The following AGTPBP1 variants were observed in gnomAD, a reference collection of about 807,000 sequenced individuals.
AGTPBP1 encodes ATP/GTP binding carboxypeptidase 1, also known as cytosolic carboxypeptidase 1.
A neutral mutation model predicts 143.9 loss-of-function variants in AGTPBP1; 70 were observed. The ratio of observed to expected loss-of-function variants is 0.49; its 90% CI spans 0.40 to 0.59. The LOEUF is 0.59. AGTPBP1 is among the 20% of genes least tolerant of loss of function. The pLI is 0.00. For synonymous variants in AGTPBP1, 463 were observed against 500.2 expected, an observed-to-expected ratio of 0.93 and a Z score of 0.99; for missense variants, 1,229 against 1,464.5, an observed-to-expected ratio of 0.84 and a Z score of 2.62.
At chr9:85,586,435 G>A (rs933811904) in intron 22 of AGTPBP1, among the ~76,000 whole-genome samples, 1 of 152,076 alleles carries the variant, frequency 6.6e-6, no homozygotes, top group Non-Finnish European at 1.5e-5. Context: ...TCAAAAGCTG[G>A]TGAGAACAGA....
At chr9:85,768,863 A>G in the AGTPBP1 span, among the ~76,000 whole-genome samples, 5 of 151,112 alleles carry the variant, frequency 3.3e-5, no homozygotes, top group Non-Finnish European at 4.4e-5. Context: ...AGCCTGGCCA[A>G]TGTTGCAAAA....
intron 17 of AGTPBP1, among the ~76,000 whole-genome samples, chr9:85,609,419 T>A (rs532501272): frequency 6.6e-6 from 1 of 151,988 alleles, no homozygotes; most frequent in East Asian, 1.9e-4. Context: ...GCCTCCCAGG[T>A]AGCTGGGATT....
chr9:85,581,479 A>T (rs925621280), intron 23 of AGTPBP1, among the ~76,000 whole-genome samples: 1 of 152,238 alleles, frequency 6.6e-6, no homozygotes, highest in East Asian at 1.9e-4. Flanking sequence ...TATAAGCACA[A>T]TACAAATACG....
intron 24 of AGTPBP1, among the ~76,000 whole-genome samples, chr9:85,576,506 CT>C (rs1827911208): frequency 6.6e-6 from 1 of 152,120 alleles, no homozygotes; most frequent in Non-Finnish European, 1.5e-5. Flanking sequence ...TATGACCTGA[CT>C]TCATTAGAAC....
intron 11 of AGTPBP1, 42 bp from the exon 12 acceptor site, chr9:85,646,460 T>C: frequency 7.4e-7 from 1 of 1,343,320 alleles, no homozygotes; most frequent in Non-Finnish European, 1.1e-6. Context: ...GAGGTAAGCA[T>C]TCTACAATAT....
At chr9:85,728,772 T>C (rs1381166125) in intron 1 of AGTPBP1, among the ~76,000 whole-genome samples, 3 of 149,322 alleles carry the variant, frequency 2.0e-5, no homozygotes, top group African/African-American at 7.4e-5. Flanking sequence ...ACCTTGCCAA[T>C]CAGAAAAAAA....
the AGTPBP1 span, among the ~76,000 whole-genome samples, chr9:85,794,844 T>G: frequency 1.3e-5 from 2 of 152,176 alleles, no homozygotes; most frequent in Non-Finnish European, 2.9e-5. Flanking sequence ...TACACTTCTT[T>G]GGTTAAATTT....
At chr9:85,720,292 G>A (rs575786646) in intron 1 of AGTPBP1, among the ~76,000 whole-genome samples, 6 of 152,090 alleles carry the variant, frequency 3.9e-5, no homozygotes, top group Non-Finnish European at 5.9e-5. Context: ...GTCTGGTCCC[G>A]GATTTTTTTT....
At chr9:85,616,001 A>G (rs1830581544) in intron 17 of AGTPBP1, among the ~76,000 whole-genome samples, 1 of 140,272 alleles carries the variant, frequency 7.1e-6, no homozygotes, top group African/African-American at 2.9e-5. Flanking sequence ...TGCTGATAAC[A>G]TAAATTTGAT....
intron 3 of AGTPBP1, among the ~76,000 whole-genome samples, chr9:85,688,452 T>A (rs1006521638): frequency 6.6e-6 from 1 of 151,934 alleles, no homozygotes; most frequent in African/African-American, 2.4e-5. Flanking sequence ...ATTGCCAATG[T>A]CCCTGGGGGA....
intron 23 of AGTPBP1, among the ~76,000 whole-genome samples, chr9:85,582,452 G>C (rs955876706): frequency 1.1e-4 from 16 of 152,100 alleles, no homozygotes; most frequent in African/African-American, 3.6e-4. Flanking sequence ...CGAGGCAGGC[G>C]GATCATTTGA....
chr9:85,746,004 C>T (rs1270434363), upstream of AGTPBP1, among the ~76,000 whole-genome samples: 1 of 152,176 alleles, frequency 6.6e-6, no homozygotes, highest in African/African-American at 2.4e-5. Context: ...AGCTCCACTT[C>T]CCTTCTCTTT....
chr9:85,774,468 G>A, the AGTPBP1 span, among the ~76,000 whole-genome samples: 7 of 152,000 alleles, frequency 4.6e-5, no homozygotes, highest in Non-Finnish European at 1.0e-4. Flanking sequence ...GGTTATAATT[G>A]TCAGTTGATT....
rs1433888370 is a variant in AGTPBP1, at chr9:85,722,787, T to C, written c.-33-10221A>G. ...TTTGAACTTTTCAGCTTTTCTGCTC[T>C]GGTTTCTCCCCATCTTTGTGGTTTT... On this transcript the variant is annotated intron_variant, in intron 1 of 25. Coordinates refer to ENST00000357081, the MANE Select transcript of AGTPBP1 (RefSeq NM_001330701.2). Among the ~76,000 whole-genome samples, 3 of 152,252 alleles carry C rather than the reference T, an allele frequency of 2.0e-5. No homozygotes were observed. In the East Asian group the frequency reaches 5.8e-4, roughly 29 times the overall value.
intron 13 of AGTPBP1, among the ~76,000 whole-genome samples, chr9:85,637,433 C>T (rs1832143490): frequency 6.6e-6 from 1 of 152,108 alleles, no homozygotes. Flanking sequence ...CAACACGCAT[C>T]CACAAAGAAA....
intron 17 of AGTPBP1, among the ~76,000 whole-genome samples, chr9:85,601,489 C>G (rs1311436276): frequency 6.6e-6 from 1 of 152,200 alleles, no homozygotes; most frequent in Non-Finnish European, 1.5e-5. Context: ...TGGGCCACCT[C>G]ATCTGCCACT....
intron 14 of AGTPBP1, among the ~76,000 whole-genome samples, chr9:85,625,899 G>GTT (rs1332792274): frequency 0.01 from 668 of 66,196 alleles, 8 homozygotes; most frequent in African/African-American, 0.041. Context: ...AAAAAACCTA[G>GTT]TTTTGTTTTT....
the AGTPBP1 span, among the ~76,000 whole-genome samples, chr9:85,802,561 C>T: frequency 6.6e-5 from 10 of 152,122 alleles, no homozygotes; most frequent in Admixed American, 6.5e-4. Context: ...CACTCATAAA[C>T]TCTGATTTCA....
At chr9:85,732,150 G>A (rs1838923415) in intron 1 of AGTPBP1, among the ~76,000 whole-genome samples, 1 of 149,296 alleles carries the variant, frequency 6.7e-6, no homozygotes, top group Non-Finnish European at 1.5e-5. Context: ...TGATAAATGA[G>A]ATTTAAAATC....
Sources: allele counts gnomAD v4.1 joint callset (sites outside exome capture counted in the v4.1 genomes callset), GRCh38; gene constraint gnomAD v4.1.1; transcripts MANE v1.5; gene names NCBI Gene and HGNC (gene_info 2026-07-23, HGNC 2026-07-21).